SLC30A9: variants seen among roughly 807,000 people sequenced by gnomAD.
The protein encoded by SLC30A9 is solute carrier family 30 member 9.
Under a neutral mutation model 87.5 loss-of-function variants are expected in SLC30A9, and 58 were observed. The observed-to-expected ratio is 0.66, with a 90% CI of 0.54 to 0.82. The LOEUF is 0.82. Ranked by LOEUF, SLC30A9 falls within the 40% of genes least tolerant of loss-of-function variation. The pLI is 0.00. For synonymous variants in SLC30A9, 234 were observed against 233.0 expected, an observed-to-expected ratio of 1.00 and a Z score of -0.04; for missense variants, 557 against 679.1, an observed-to-expected ratio of 0.82 and a Z score of 2.00.
At chr4:42,046,129 T>A (rs1348937727) in intron 8 of SLC30A9, among the ~76,000 whole-genome samples, 1 of 152,170 alleles carries the variant, frequency 6.6e-6, no homozygotes, top group African/African-American at 2.4e-5. Flanking sequence ...GCCAATATCA[T>A]ACTGAATGGG....
At chr4:42,022,636 A>G (rs1319816983) in intron 4 of SLC30A9, among the ~76,000 whole-genome samples, 1 of 152,222 alleles carries the variant, frequency 6.6e-6, no homozygotes, top group East Asian at 1.9e-4. Flanking sequence ...TACACTGAGC[A>G]TCAAGAGTAA....
chr4:42,039,141 C>T, intron 8 of SLC30A9, 88 bp downstream of exon 8: 1 of 975,750 alleles, frequency 1.0e-6, no homozygotes, highest in Non-Finnish European at 1.6e-6. Flanking sequence ...TACATGGTAG[C>T]TAGCTATAGA....
chr4:42,058,017 G>A (rs535868142), intron 9 of SLC30A9, among the ~76,000 whole-genome samples: 39 of 150,236 alleles, frequency 2.6e-4, no homozygotes, highest in African/African-American at 9.3e-4. Context: ...CAGGATAATC[G>A]CTTGAACCTG....
intron 14 of SLC30A9, 103 bp from the exon 15 acceptor site, chr4:42,070,423 T>G: frequency 1.2e-6 from 1 of 829,464 alleles, no homozygotes; most frequent in Non-Finnish European, 1.9e-6. Flanking sequence ...AGGAATAAAT[T>G]TCAAGTGCCT....
intron 15 of SLC30A9, among the ~76,000 whole-genome samples, chr4:42,074,099 G>T (rs1443728250): frequency 6.9e-6 from 1 of 145,902 alleles, no homozygotes; most frequent in Non-Finnish European, 1.5e-5. Context: ...TACCAGGAGA[G>T]AAAAAAAAAA....
intron 9 of SLC30A9, among the ~76,000 whole-genome samples, chr4:42,050,208 C>G (rs1347098075): frequency 6.6e-6 from 1 of 152,068 alleles, no homozygotes. Flanking sequence ...CACTCACTGT[C>G]AAATCAGATG....
intron 2 of SLC30A9, among the ~76,000 whole-genome samples, chr4:42,012,487 A>G (rs1001295016): frequency 6.6e-6 from 1 of 152,210 alleles, no homozygotes; most frequent in African/African-American, 2.4e-5. Flanking sequence ...TGGGAGGTAC[A>G]TAGTAGGTGT....
At position 42,049,728 on chromosome 4, in the gene SLC30A9, G is replaced by T. The variant is rs140944619; in HGVS notation, c.840+249G>T. 1.9e-3 allele frequency among the ~76,000 whole-genome samples: 291 copies of T among 152,260 alleles called. 1 individual carries two copies. The highest frequency in any genetic ancestry group is 6.8e-3 in the African/African-American group (281 of 41,558). On this transcript the variant is annotated intron_variant, in intron 9 of 17. Transcript: ENST00000264451. Reference sequence around the variant, plus strand: ...TTGTCAGTCACTGAGCAGAAATCTGGTCTCTGAATATGAATTCTCAATGAC... The same window carrying T: ...TTGTCAGTCACTGAGCAGAAATCTGTTCTCTGAATATGAATTCTCAATGAC...
chr4:42,028,279 G>A (rs1344888047), intron 6 of SLC30A9, among the ~76,000 whole-genome samples: 3 of 152,014 alleles, frequency 2.0e-5, no homozygotes, highest in African/African-American at 7.2e-5. Context: ...TACCATGCCC[G>A]GCTAATTTTT....
chr4:42,054,711 C>T lies in SLC30A9; in HGVS notation c.840+5232C>T, dbSNP rs113797473. 2.6e-3 allele frequency among the ~76,000 whole-genome samples: 397 copies of T among 151,862 alleles called. 1 individual carries two copies. The highest frequency in any genetic ancestry group is 0.02 in the Middle Eastern group (6 of 294). On this transcript the variant is annotated intron_variant, in intron 9 of 17. Coordinates refer to ENST00000264451, the MANE Select transcript of SLC30A9 (RefSeq NM_006345.4). Reference sequence around the variant, plus strand: ...TTCACCGTGTTAGCCAGGATGGTTTCGATATGGTCTTGATCTCCTGACCTT... The same window carrying T: ...TTCACCGTGTTAGCCAGGATGGTTTTGATATGGTCTTGATCTCCTGACCTT...
chr4:42,077,376 A>G (rs959029173), intron 16 of SLC30A9, among the ~76,000 whole-genome samples: 2 of 152,102 alleles, frequency 1.3e-5, no homozygotes, highest in Non-Finnish European at 2.9e-5. Flanking sequence ...CATTACACTT[A>G]TAGATTTGAA....
At chr4:42,082,629 C>T (rs1718782759) in intron 17 of SLC30A9, among the ~76,000 whole-genome samples, 1 of 152,144 alleles carries the variant, frequency 6.6e-6, no homozygotes, top group African/African-American at 2.4e-5. Context: ...GGGTGGATCA[C>T]CTGAGGTCAG....
At chr4:42,029,844 G>C (rs1716348045) in intron 6 of SLC30A9, 2 of 721,762 alleles carry the variant, frequency 2.8e-6, no homozygotes, top group Admixed American at 1.8e-5. Context: ...TGTGTTTCCT[G>C]TTCAGTGCAC....
At chr4:41,990,841 A>C in intron 1 of SLC30A9, 81 bp downstream of exon 1, 3 of 1,000,830 alleles carry the variant, frequency 3.0e-6, no homozygotes, top group East Asian at 2.6e-5. Context: ...GCCTGGGGCA[A>C]TTCGCCCACT....
intron 17 of SLC30A9, 44 bp downstream of exon 17, chr4:42,078,369 TTTTTTTG>T: frequency 9.9e-7 from 1 of 1,010,416 alleles, no homozygotes; most frequent in Non-Finnish European, 1.5e-6. Context: ...ATGGCAGCTA[TTTTTTTG>T]AGTACTTACT....
intron 1 of SLC30A9, among the ~76,000 whole-genome samples, chr4:41,998,589 G>A (rs563051472): frequency 4.9e-4 from 74 of 151,752 alleles, no homozygotes; most frequent in South Asian, 1.0e-3. Flanking sequence ...TCAGCCTCCC[G>A]CATAGCTAGG....
At chr4:42,075,383 A>C (rs891644717) in intron 15 of SLC30A9, among the ~76,000 whole-genome samples, 7 of 151,846 alleles carry the variant, frequency 4.6e-5, no homozygotes, top group Non-Finnish European at 4.4e-5. Flanking sequence ...AGAGTTAATG[A>C]ACTTTTAATA....
intron 2 of SLC30A9, among the ~76,000 whole-genome samples, chr4:42,006,408 C>G (rs1486718757): frequency 5.3e-5 from 8 of 152,088 alleles, no homozygotes; most frequent in Admixed American, 5.2e-4. Context: ...TAGGTATTGG[C>G]CAGGTGTGGT....
intron 6 of SLC30A9, among the ~76,000 whole-genome samples, chr4:42,030,581 CTTTTTTT>C (rs766917053): frequency 0.037 from 5,142 of 139,002 alleles, 159 homozygotes; most frequent in African/African-American, 0.089. Flanking sequence ...CTGGCATGGT[CTTTTTTT>C]TTTTTTTTTT....
Sources: gnomAD v4.1 joint callset for allele counts (sites outside exome capture counted in the v4.1 genomes callset) on GRCh38, gnomAD v4.1.1 for gene constraint, MANE v1.5 for transcripts, NCBI Gene and HGNC (gene_info 2026-07-23, HGNC 2026-07-21) for gene names.